The following CALN1 variants were observed in gnomAD, a reference collection of about 807,000 sequenced individuals.
The protein encoded by CALN1 is calneuron 1, also known as calcium-binding protein 8.
CALN1 carries 17 observed loss-of-function variants against 30.6 expected under a neutral mutation model. That is an observed-to-expected ratio of 0.56 (90% confidence interval 0.38 to 0.83). The LOEUF is 0.83. CALN1 is among the 40% of genes least tolerant of loss of function. The pLI is 0.00. For synonymous variants in CALN1, 156 were observed against 131.4 expected (o/e 1.19, Z -1.28); for missense variants, 291 against 354.9 (o/e 0.82, Z 1.45).
At chr7:71,956,505 T>TA (rs201220301) in intron 5 of CALN1, among the ~76,000 whole-genome samples, 4 of 149,086 alleles carry the variant, frequency 2.7e-5, no homozygotes, top group African/African-American at 4.9e-5. Flanking sequence ...TTTTTTTTTT[T>TA]AAACAGAGGG....
At chr7:71,892,139 A>G (rs1177509756) in intron 5 of CALN1, among the ~76,000 whole-genome samples, 1 of 152,188 alleles carries the variant, frequency 6.6e-6, no homozygotes. Context: ...CCTTGGCCAC[A>G]TTGAATATTT....
At chr7:72,408,355 G>A (rs891375857) in intron 1 of CALN1, among the ~76,000 whole-genome samples, 2 of 151,678 alleles carry the variant, frequency 1.3e-5, no homozygotes, top group Non-Finnish European at 1.5e-5. Flanking sequence ...GCATGAAAGA[G>A]AATCACTTGA....
intron 3 of CALN1, among the ~76,000 whole-genome samples, chr7:72,192,792 A>C (rs1453215643): frequency 7.5e-6 from 1 of 133,774 alleles, no homozygotes; most frequent in African/African-American, 2.7e-5. Flanking sequence ...TCCCGATGCT[A>C]TCCCTCCCCC....
At chr7:71,797,290 G>T (rs111464175) in intron 6 of CALN1, among the ~76,000 whole-genome samples, 82 of 152,258 alleles carry the variant, frequency 5.4e-4, no homozygotes, top group African/African-American at 1.9e-3. Context: ...TAAAACAGTA[G>T]CAGTCTCAAC....
intron 3 of CALN1, among the ~76,000 whole-genome samples, chr7:72,265,787 C>G (rs767427503): frequency 6.6e-6 from 1 of 151,898 alleles, no homozygotes; most frequent in Non-Finnish European, 1.5e-5. Flanking sequence ...AAATAAGAAC[C>G]TAGGACACAT....
intron 3 of CALN1, among the ~76,000 whole-genome samples, chr7:72,236,806 T>C (rs1002923011): frequency 6.6e-6 from 1 of 152,126 alleles, no homozygotes; most frequent in Non-Finnish European, 1.5e-5. Context: ...TGGAAAAGAC[T>C]CAAGACATGT....
chr7:72,466,699 C>T, the CALN1 span, among the ~76,000 whole-genome samples: 6 of 150,162 alleles, frequency 4.0e-5, no homozygotes, highest in South Asian at 2.1e-4. Flanking sequence ...GCCAAGATCG[C>T]GCCACTGCAC....
intron 5 of CALN1, among the ~76,000 whole-genome samples, chr7:71,813,973 G>C (rs1256848407): frequency 6.7e-6 from 1 of 150,252 alleles, no homozygotes; most frequent in Admixed American, 6.7e-5. Context: ...CCCAACCTAC[G>C]GGCCCAAGCA....
At chr7:71,855,367 A>G (rs549343124) in intron 5 of CALN1, among the ~76,000 whole-genome samples, 3 of 152,180 alleles carry the variant, frequency 2.0e-5, no homozygotes, top group Non-Finnish European at 4.4e-5. Context: ...TGGAAATGTG[A>G]CATTCAGTTT....
intron 3 of CALN1, among the ~76,000 whole-genome samples, chr7:72,181,306 T>C (rs1299938214): frequency 1.3e-5 from 2 of 150,144 alleles, no homozygotes; most frequent in Non-Finnish European, 3.0e-5. Context: ...AAAATGTTTA[T>C]ATATGTTATA....
At chr7:72,131,315 G>T (rs1476392517) in intron 3 of CALN1, among the ~76,000 whole-genome samples, 1 of 152,158 alleles carries the variant, frequency 6.6e-6, no homozygotes, top group Non-Finnish European at 1.5e-5. Context: ...CTATGGTGAT[G>T]ATTCTGTTTA....
rs1006330360 is a variant in CALN1 at position 72,154,894 on chromosome 7, A to G, written c.245-48600T>C. Among the ~76,000 whole-genome samples the G allele has an allele frequency of 5.4e-5, 8 of 148,904 alleles. No individual in the cohort carries two copies. The East Asian group carries it at 1.2e-3, about 22-fold the overall frequency. On this transcript the variant is annotated intron_variant, in intron 3 of 6. Coordinates refer to ENST00000395275, the MANE Select transcript of CALN1 (RefSeq NM_031468.4). ...AACATAATGAGATCCTGTCTCTACA[A>G]TTTTTTTTTTTAATTAGCTGGGCAT...
chr7:72,343,385 G>C (rs1802472592), intron 2 of CALN1, among the ~76,000 whole-genome samples: 1 of 151,924 alleles, frequency 6.6e-6, no homozygotes, highest in African/African-American at 2.4e-5. Flanking sequence ...TGTTTCTACT[G>C]TAAATACAAA....
the CALN1 span, among the ~76,000 whole-genome samples, chr7:72,467,649 C>A: frequency 6.6e-6 from 1 of 152,180 alleles, no homozygotes; most frequent in African/African-American, 2.4e-5. Context: ...AGCCCCGACC[C>A]AACCCCCGCC....
intron 3 of CALN1, among the ~76,000 whole-genome samples, chr7:72,190,345 C>T (rs922523330): frequency 1.5e-4 from 23 of 152,136 alleles, no homozygotes; most frequent in Non-Finnish European, 2.8e-4. Context: ...AGCAAGACTC[C>T]GTCTCAAATA....
chr7:72,412,890 C>T (rs1807269919), upstream of CALN1, among the ~76,000 whole-genome samples: 1 of 152,196 alleles, frequency 6.6e-6, no homozygotes, highest in African/African-American at 2.4e-5. Flanking sequence ...GGCCACAGCC[C>T]CAGGCCTGGC....
At position 72,338,469 on chromosome 7, in the gene CALN1, C is replaced by CAGAG. The variant is rs200027177; in HGVS notation, c.120-59660_120-59659insCTCT. On this transcript the variant is annotated intron_variant, in intron 2 of 6. Transcript: ENST00000395275. Reference sequence around the variant, plus strand: ...TGGGCGTTTTTGTCAGCCAGCAGCACAGTGTGTGTGTGTGTGTGTGTGTGT... The same window carrying CAGAG: ...TGGGCGTTTTTGTCAGCCAGCAGCACAGAGAGTGTGTGTGTGTGTGTGTGTGTGT... Among the ~76,000 whole-genome samples, 25 of 41,982 alleles carry CAGAG rather than the reference C, an allele frequency of 6.0e-4. No individual in the cohort carries two copies. The East Asian group carries it at 0.015, about 26-fold the overall frequency. The allele number at this position is 41,982 out of a possible 152,430, so 27.5% of individuals were successfully genotyped here. A position where few individuals can be genotyped will look rare whatever the true frequency, so the allele number is the denominator to read the frequency against.
At chr7:72,212,383 G>A in intron 3 of CALN1, among the ~76,000 whole-genome samples, 1 of 149,116 alleles carries the variant, frequency 6.7e-6, no homozygotes. Flanking sequence ...GAGGGGGGAA[G>A]AATCTACCCA....
At chr7:72,448,822 G>T (rs958981218), upstream of CALN1, among the ~76,000 whole-genome samples, 1 of 152,062 alleles carries the variant, frequency 6.6e-6, no homozygotes, top group Non-Finnish European at 1.5e-5. Context: ...GGCCAGGCTG[G>T]TCTCAAACTC....
Sources: allele counts gnomAD v4.1 joint callset (sites outside exome capture counted in the v4.1 genomes callset), GRCh38; gene constraint gnomAD v4.1.1; transcripts MANE v1.5; gene names NCBI Gene and HGNC (gene_info 2026-07-23, HGNC 2026-07-21).